AJAP1: variants seen among roughly 807,000 people sequenced by gnomAD.
AJAP1 encodes the protein adherens junction-associated protein 1.
Under a neutral mutation model 35.0 loss-of-function variants are expected in AJAP1, and 5 were observed. That is an observed-to-expected ratio of 0.14 (90% CI 0.07 to 0.30). The LOEUF (loss-of-function observed/expected upper bound fraction) is 0.30. Ranked by LOEUF, AJAP1 falls within the 10% of genes least tolerant of loss-of-function variation. The probability of loss-of-function intolerance (pLI) is 1.00; values close to 1 mark genes in which losing one functional copy is unlikely to be tolerated. For missense variants in AJAP1, 586 were observed against 571.0 expected (o/e 1.03, Z -0.27); for synonymous variants, 284 against 249.3 (o/e 1.14, Z -1.31).
intron 2 of AJAP1, among the ~76,000 whole-genome samples, chr1:4,738,511 T>C (rs1459673910): frequency 6.6e-6 from 1 of 152,178 alleles, no homozygotes; most frequent in African/African-American, 2.4e-5. Flanking sequence ...GTGGAGGTTG[T>C]TGGCGAGAGC....
chr1:4,665,866 A>G (rs1639104224), intron 1 of AJAP1, among the ~76,000 whole-genome samples: 1 of 152,260 alleles, frequency 6.6e-6, no homozygotes, highest in Admixed American at 6.5e-5. Flanking sequence ...ATGGAATTGC[A>G]GGAGCCAAGA....
chr1:4,692,523 C>T lies in AJAP1; in HGVS notation c.30-19377C>T, dbSNP rs1002708498. Among the ~76,000 whole-genome samples, 2 of 152,208 alleles carry T rather than the reference C, an allele frequency of 1.3e-5. No homozygotes were observed. Among genetic ancestry groups the T allele is most frequent in the Admixed American group, 6.5e-5 (1 of 15,284 alleles). On this transcript the variant is annotated intron_variant, in intron 1 of 5. Transcript: ENST00000378191. The surrounding 1 kb of genome is among the most constrained non-coding windows in gnomAD (Gnocchi z 4.4). The stretch of plus-strand genomic sequence containing the variant: ...CACCCCAGGCATCCGGGAGGAACTT[C>T]CTGGGAAAAGAGAAAAATAGCTCAG...
chr1:4,732,655 C>T (rs966359515), intron 2 of AJAP1, among the ~76,000 whole-genome samples: 6 of 152,376 alleles, frequency 3.9e-5, no homozygotes, highest in Admixed American at 6.5e-5. Flanking sequence ...CAGGTGAGAG[C>T]GGCTTCACAG....
intron 4 of AJAP1, 88 bp from the exon 5 acceptor site, chr1:4,774,339 G>A: frequency 8.1e-7 from 1 of 1,240,020 alleles, no homozygotes; most frequent in Non-Finnish European, 1.2e-6. Flanking sequence ...CAAGAAGCCA[G>A]TCCCCACCAC....
Position 4,772,342 on chromosome 1 carries a change from A to C in AJAP1, c.980A>C (p.Glu327Ala). ...CAGCGGAAGACCAACCAGCAGGAGG[A>C]GAGCTGCCAGAACCTCACGGACTTC... ...SHQRKTNQQE[E>A]SCQNLTDFPS... Residue 327 changes from glutamate (E) to alanine (A), a missense_variant, in exon 4 of 6, where the codon GAG becomes GCG. Glu to Ala is a moderately radical substitution (Grantham distance 107). Coordinates refer to ENST00000378191, the MANE Select transcript of AJAP1 (RefSeq NM_018836.4). 6.2e-7 allele frequency: 1 copy of C among 1,614,198 alleles called. No individual in the cohort carries two copies. The highest frequency in any genetic ancestry group is 8.5e-7 in the Non-Finnish European group (1 of 1,180,044).
At chr1:4,660,468 G>A (rs1371619546) in intron 1 of AJAP1, among the ~76,000 whole-genome samples, 4 of 152,002 alleles carry the variant, frequency 2.6e-5, no homozygotes, top group African/African-American at 9.7e-5. Flanking sequence ...TTACCACTGG[G>A]GGAATCTCGG....
At chr1:4,762,911 G>A (rs904123295) in intron 2 of AJAP1, among the ~76,000 whole-genome samples, 1 of 152,168 alleles carries the variant, frequency 6.6e-6, no homozygotes. Context: ...GTGACTCCAT[G>A]TTATGGACCT....
chr1:4,665,699 G>A (rs1317180629), intron 1 of AJAP1, among the ~76,000 whole-genome samples: 2 of 152,230 alleles, frequency 1.3e-5, no homozygotes, highest in East Asian at 1.9e-4. Flanking sequence ...GTTTGTCCTG[G>A]GACAGGCTGC....
intron 2 of AJAP1, among the ~76,000 whole-genome samples, chr1:4,729,728 C>G (rs1229070558): frequency 6.6e-6 from 1 of 152,186 alleles, no homozygotes; most frequent in Admixed American, 6.5e-5. Flanking sequence ...TTTCAGGGCT[C>G]TATCTCCAAA....
chr1:4,725,290 G>A (rs1053591409), intron 2 of AJAP1, among the ~76,000 whole-genome samples: 2 of 152,176 alleles, frequency 1.3e-5, no homozygotes, highest in East Asian at 3.9e-4. Context: ...GCTCCAGTGG[G>A]CACTCACTTC....
In AJAP1 at chr1:4,769,721, C is replaced by T. The variant is rs140006970; in HGVS notation, c.830-132C>T. 66 of 772,134 alleles carry T rather than the reference C, an allele frequency of 8.5e-5. 1 individual carries two copies. Among genetic ancestry groups the T allele is most frequent in the African/African-American group, 8.1e-4 (48 of 59,152 alleles). 47.8% of individuals were successfully genotyped at this position (772,134 alleles called of 1,614,324 possible). On this transcript the variant is annotated intron_variant, in intron 2 of 5. Coordinates refer to ENST00000378191, the MANE Select transcript of AJAP1 (RefSeq NM_018836.4). ...GAACTGAGCACCTGTCATGCTGCCC[C>T]GAGTTCCCCGCTGCGGATGGGACCT...
chr1:4,713,009 G>A (rs1640301654), intron 2 of AJAP1, among the ~76,000 whole-genome samples: 1 of 152,120 alleles, frequency 6.6e-6, no homozygotes, highest in African/African-American at 2.4e-5. Context: ...CAGACCGGTG[G>A]AATCCACCAC....
intron 2 of AJAP1, among the ~76,000 whole-genome samples, chr1:4,740,808 G>C (rs957850445): frequency 4.1e-5 from 5 of 121,304 alleles, no homozygotes; most frequent in South Asian, 5.6e-4. Flanking sequence ...AAAAAAAAGC[G>C]GGGGGGGCTA....
chr1:4,777,077 A>G (rs559901492), intron 5 of AJAP1, among the ~76,000 whole-genome samples: 57 of 152,352 alleles, frequency 3.7e-4, no homozygotes, highest in Admixed American at 1.2e-3. Flanking sequence ...ACCACTCACT[A>G]GGATGAAAGC....
chr1:4,655,772 GCTGCC>G lies in AJAP1; in HGVS notation c.29+320_29+324del, dbSNP rs1012914175. On this transcript the variant is annotated intron_variant, in intron 1 of 5. Transcript: ENST00000378191. The surrounding 1 kb of genome is among the most constrained non-coding windows in gnomAD (Gnocchi z 6.9). Reference sequence around the variant, plus strand: ...AGCCAGCAGCGCAGTGTCCTGGCCGGCTGCCCCGGCGCGCCTCCTCCCCGGGGCCC... The same window carrying G: ...AGCCAGCAGCGCAGTGTCCTGGCCGGCCGGCGCGCCTCCTCCCCGGGGCCC... Among the ~76,000 whole-genome samples, 1 of 149,124 alleles carries G rather than the reference GCTGCC, an allele frequency of 6.7e-6. No homozygotes were observed. The highest frequency in any genetic ancestry group is 2.4e-5 in the African/African-American group (1 of 41,096).
In AJAP1 at chr1:4,790,533, GGT is replaced by G. The variant is rs1434517771; in HGVS notation, c.*8051_*8052del. 6.6e-6 allele frequency: 1 copy of G among 152,142 alleles called. No individual in the cohort carries two copies. Among genetic ancestry groups the G allele is most frequent in the Admixed American group, 6.5e-5 (1 of 15,280 alleles). 9.4% of individuals were successfully genotyped at this position (152,142 alleles called of 1,614,324 possible). Reference sequence around the variant, plus strand: ...AAAAGCCCGCTGGCGTGCCAGAGGGGGTGTTTGCCCACACCCTCCTTGAATTT... The same window carrying G: ...AAAAGCCCGCTGGCGTGCCAGAGGGGGTTTGCCCACACCCTCCTTGAATTT... On this transcript the variant is annotated 3_prime_UTR_variant, in exon 6 of 6. Coordinates refer to ENST00000378191, the MANE Select transcript of AJAP1 (RefSeq NM_018836.4).
chr1:4,729,000 C>T (rs1333073701), intron 2 of AJAP1, among the ~76,000 whole-genome samples: 8 of 152,188 alleles, frequency 5.3e-5, no homozygotes, highest in Admixed American at 4.6e-4. Context: ...CTGCAGACCC[C>T]GAGGACGCTG....
At chr1:4,736,612 C>T (rs2100307692) in intron 2 of AJAP1, among the ~76,000 whole-genome samples, 1 of 152,346 alleles carries the variant, frequency 6.6e-6, no homozygotes, top group Middle Eastern at 3.4e-3. Flanking sequence ...AACCTGCAAG[C>T]TCCTTCAGGC....
At chr1:4,759,183 G>A (rs1416683791) in intron 2 of AJAP1, among the ~76,000 whole-genome samples, 1 of 152,186 alleles carries the variant, frequency 6.6e-6, no homozygotes, top group Non-Finnish European at 1.5e-5. Flanking sequence ...TGTTGACTCT[G>A]AAAGGTGTGC....
Sources: allele counts gnomAD v4.1 joint callset (sites outside exome capture counted in the v4.1 genomes callset), GRCh38; gene constraint gnomAD v4.1.1; non-coding constraint Gnocchi (gnomAD v3.1); transcripts MANE v1.5; gene names NCBI Gene and HGNC (gene_info 2026-07-23, HGNC 2026-07-21).